The following PLEKHA7 variants were observed in gnomAD, a reference collection of about 807,000 sequenced individuals.
The protein encoded by PLEKHA7 is pleckstrin homology domain-containing family A member 7.
In PLEKHA7, 104 loss-of-function variants were observed where a neutral mutation model predicts 170.0. That is an observed-to-expected ratio of 0.61 (90% CI 0.52 to 0.72). PLEKHA7 has a LOEUF of 0.72. PLEKHA7 is among the 30% of genes least tolerant of loss of function. PLEKHA7 has a pLI of 0.00. For missense variants in PLEKHA7, 1,615 were observed against 1,671.7 expected (o/e 0.97, Z 0.59); for synonymous variants, 648 against 660.8 (o/e 0.98, Z 0.30).
chr11:16,818,387 T>C (rs1233362710), intron 10 of PLEKHA7, among the ~76,000 whole-genome samples: 1 of 152,230 alleles, frequency 6.6e-6, no homozygotes, highest in Non-Finnish European at 1.5e-5. Context: ...CCTGCCCTTC[T>C]TACTCTTATA....
intron 8 of PLEKHA7, among the ~76,000 whole-genome samples, chr11:16,849,875 G>A (rs7930354): frequency 0.023 from 3,463 of 152,190 alleles, 136 homozygotes; most frequent in African/African-American, 0.079. Flanking sequence ...TGACAGTAGC[G>A]TCACTCGAGG....
At chr11:17,003,093 C>T (rs553425240) in intron 3 of PLEKHA7, among the ~76,000 whole-genome samples, 21 of 149,286 alleles carry the variant, frequency 1.4e-4, no homozygotes, top group Non-Finnish European at 2.5e-4. Flanking sequence ...CCCGTTCAAG[C>T]GATTCTCCTG....
intron 13 of PLEKHA7, among the ~76,000 whole-genome samples, chr11:16,810,545 C>T (rs1246549310): frequency 6.6e-6 from 1 of 152,230 alleles, no homozygotes; most frequent in Non-Finnish European, 1.5e-5. Flanking sequence ...AGGAACTTAG[C>T]AACCGGGGTA....
intron 3 of PLEKHA7, among the ~76,000 whole-genome samples, chr11:17,008,128 T>C (rs1425619592): frequency 6.6e-6 from 1 of 152,068 alleles, no homozygotes; most frequent in African/African-American, 2.4e-5. Flanking sequence ...AGTCTAGCTG[T>C]CCTCACTTGG....
chr11:16,824,288 A>T (rs404359), intron 10 of PLEKHA7, among the ~76,000 whole-genome samples: 1 of 152,136 alleles, frequency 6.6e-6, no homozygotes, highest in Non-Finnish European at 1.5e-5. Context: ...TAATCTCGGC[A>T]CTTTGGGAGG....
intron 26 of PLEKHA7, 71 bp downstream of exon 26, chr11:16,782,683 C>A: frequency 6.6e-7 from 1 of 1,513,196 alleles, no homozygotes; most frequent in South Asian, 1.2e-5. Context: ...CTGGAACAGG[C>A]CATGCTGGGC....
At chr11:16,900,494 G>C (rs575899377) in intron 3 of PLEKHA7, among the ~76,000 whole-genome samples, 49 of 152,294 alleles carry the variant, frequency 3.2e-4, no homozygotes, top group African/African-American at 1.2e-3. Context: ...TGGAACAAAT[G>C]ACCTACAGCA....
chr11:16,925,842 G>A (rs571484577), intron 3 of PLEKHA7, among the ~76,000 whole-genome samples: 4 of 152,250 alleles, frequency 2.6e-5, no homozygotes, highest in Non-Finnish European at 5.9e-5. Context: ...CGGCCAGGAC[G>A]GCGCGTCCGA....
intron 3 of PLEKHA7, among the ~76,000 whole-genome samples, chr11:16,880,721 C>T (rs381815): frequency 0.24 from 36,675 of 152,130 alleles, 4,678 homozygotes; most frequent in Non-Finnish European, 0.28. Context: ...TCAGAAACTG[C>T]GGCCCGAGAA....
intron 3 of PLEKHA7, among the ~76,000 whole-genome samples, chr11:16,876,569 A>G (rs1482513863): frequency 6.6e-6 from 1 of 152,232 alleles, no homozygotes. Flanking sequence ...ATAAATAAGC[A>G]TGTCTTCACA....
Position 17,012,180 on chromosome 11 carries a change from A to C in PLEKHA7, c.221+1809T>G, listed in dbSNP as rs74982729. ...GTGATCGTTCTAAAAACACACACCA[A>C]ATCATGCCATTTCCCTGCTTAAAAC... On this transcript the variant is annotated intron_variant, in intron 3 of 26. Transcript: ENST00000531066. Among the ~76,000 whole-genome samples the C allele has an allele frequency of 2.6e-5, 4 of 152,274 alleles. No homozygotes were observed. The East Asian group carries it at 5.8e-4, about 22-fold the overall frequency.
chr11:16,794,363 G>T, intron 19 of PLEKHA7, 125 bp downstream of exon 19: 1 of 887,016 alleles, frequency 1.1e-6, no homozygotes, highest in Non-Finnish European at 1.9e-6. Context: ...TGTGACTAAG[G>T]ACTCCTTTAG....
At chr11:16,904,472 C>T (rs962171204) in intron 3 of PLEKHA7, among the ~76,000 whole-genome samples, 2 of 152,148 alleles carry the variant, frequency 1.3e-5, no homozygotes, top group African/African-American at 4.8e-5. Flanking sequence ...CTAAGCTTAA[C>T]AGATCTTTGT....
In PLEKHA7 at chr11:16,789,448, C is replaced by G. The variant is rs1316082448; in HGVS notation, c.3157-152G>C. 4 of 715,330 alleles carry G rather than the reference C, an allele frequency of 5.6e-6. No individual in the cohort carries two copies. Among genetic ancestry groups the G allele is most frequent in the Non-Finnish European group, 9.3e-6 (4 of 431,992 alleles). 44.3% of individuals were successfully genotyped at this position (715,330 alleles called of 1,614,324 possible). A position where few individuals can be genotyped will look rare whatever the true frequency, so the allele number is the denominator to read the frequency against. On this transcript the variant is annotated intron_variant, in intron 22 of 26. Transcript: ENST00000531066. This position sits in a 1 kb window ranked among gnomAD's most constrained non-coding sequence, Gnocchi z 4.6. ...TCTTGGCCTTAGAGAACTATTTCCT[C>G]TAAGCAACACGATGCCCCCAACCCT...
chr11:16,882,934 T>C (rs1490993078), intron 3 of PLEKHA7, among the ~76,000 whole-genome samples: 2 of 152,082 alleles, frequency 1.3e-5, no homozygotes, highest in African/African-American at 4.8e-5. Context: ...CAGACCTACT[T>C]GCTATGTATC....
At chr11:16,885,996 C>T (rs577243551) in intron 3 of PLEKHA7, among the ~76,000 whole-genome samples, 14 of 127,514 alleles carry the variant, frequency 1.1e-4, no homozygotes, top group East Asian at 3.4e-4. Context: ...AAGACTCCAT[C>T]GGAAAAAAAA....
intron 12 of PLEKHA7, among the ~76,000 whole-genome samples, chr11:16,814,305 A>C (rs191821890): frequency 6.6e-6 from 1 of 152,222 alleles, no homozygotes; most frequent in Non-Finnish European, 1.5e-5. Context: ...TTTCACTGAC[A>C]TTCATTTTTC....
chr11:16,993,859 T>C (rs1426039241), intron 3 of PLEKHA7, among the ~76,000 whole-genome samples: 2 of 152,184 alleles, frequency 1.3e-5, no homozygotes, highest in Non-Finnish European at 2.9e-5. Flanking sequence ...GAAAGCCATC[T>C]CCATTTTCCC....
intron 3 of PLEKHA7, among the ~76,000 whole-genome samples, chr11:16,990,382 C>G (rs183632386): frequency 1.3e-5 from 2 of 151,582 alleles, no homozygotes; most frequent in Non-Finnish European, 2.9e-5. Flanking sequence ...CAAAACCATC[C>G]GGGCTCCACC....
Sources: allele counts gnomAD v4.1 joint callset (sites outside exome capture counted in the v4.1 genomes callset), GRCh38; gene constraint gnomAD v4.1.1; non-coding constraint Gnocchi (gnomAD v3.1); transcripts MANE v1.5; gene names NCBI Gene and HGNC (gene_info 2026-07-23, HGNC 2026-07-21).